PI4KA: variants seen among roughly 807,000 people sequenced by gnomAD.
PI4KA encodes phosphatidylinositol 4-kinase alpha, also known as PI4-kinase alpha.
A neutral mutation model predicts 271.4 loss-of-function variants in PI4KA; 122 were observed. The observed-to-expected ratio is 0.45, with a 90% CI of 0.39 to 0.52. The LOEUF is 0.52. PI4KA is among the 20% of genes least tolerant of loss of function. PI4KA has a pLI of 0.00. For synonymous variants in PI4KA, 1,041 were observed against 1,078.8 expected, an observed-to-expected ratio of 0.96 and a Z score of 0.69; for missense variants, 1,969 against 2,769.1, an observed-to-expected ratio of 0.71 and a Z score of 6.48.
chr22:20,827,249 C>G (rs529221122), intron 3 of PI4KA, among the ~76,000 whole-genome samples: 5 of 152,272 alleles, frequency 3.3e-5, no homozygotes, highest in African/African-American at 1.2e-4. Flanking sequence ...AGTAAGGGGT[C>G]TAGTTCCAAT....
At chr22:20,780,348 G>A (rs981759299) in intron 19 of PI4KA, 3 of 1,259,172 alleles carry the variant, frequency 2.4e-6, no homozygotes, top group Non-Finnish European at 2.3e-6. Context: ...GGACAGGGAA[G>A]GCCAAGCTGA....
chr22:20,854,770 G>A (rs1029647175), intron 1 of PI4KA, among the ~76,000 whole-genome samples: 4 of 151,668 alleles, frequency 2.6e-5, no homozygotes, highest in Non-Finnish European at 5.9e-5. Context: ...GAGAAGGGGA[G>A]GGATTGGGTT....
chr22:20,765,791 C>A, intron 19 of PI4KA, 98 bp from the exon 20 acceptor site: 1 of 765,242 alleles, frequency 1.3e-6, no homozygotes. Context: ...TCTCTAAGAG[C>A]ATTCTCAGAA....
At chr22:20,782,582 CAG>C (rs1933881218) in intron 19 of PI4KA, among the ~76,000 whole-genome samples, 1 of 152,118 alleles carries the variant, frequency 6.6e-6, no homozygotes, top group South Asian at 2.1e-4. Context: ...ATGAGGAAGT[CAG>C]AAGGAAAGAA....
At position 20,733,682 on chromosome 22, in the gene PI4KA, C is replaced by T. The variant is rs1170701678; in HGVS notation, c.4160+54G>A. The stretch of plus-strand genomic sequence containing the variant: ...CCTGGGGGTTTGGGGCGATGGAGCA[C>T]TTGGAGGGGCTGCGCCGTCCCTGGA... On this transcript the variant is annotated intron_variant, in intron 35 of 54. Transcript: ENST00000255882. 6 of 1,613,534 alleles carry T rather than the reference C, an allele frequency of 3.7e-6. No individual in the cohort carries two copies. In the Admixed American group the frequency reaches 1.0e-4, roughly 27 times the overall value.
chr22:20,793,103 T>G, intron 19 of PI4KA, 90 bp downstream of exon 19: 2 of 836,080 alleles, frequency 2.4e-6, no homozygotes, highest in Non-Finnish European at 4.2e-6. Flanking sequence ...CACTGCACCT[T>G]TCTAAGGAAT....
intron 42 of PI4KA, chr22:20,725,612 G>C: frequency 6.8e-6 from 3 of 439,952 alleles, no homozygotes; most frequent in Non-Finnish European, 1.4e-5. Flanking sequence ...ATAAGCCAGG[G>C]AGATGGGCAC....
At chr22:20,779,567 A>G (rs1933589264) in intron 19 of PI4KA, 2 of 1,614,106 alleles carry the variant, frequency 1.2e-6, no homozygotes, top group Non-Finnish European at 1.7e-6. Context: ...TGGAGAAGAT[A>G]TTCAGTGAAG....
At chr22:20,732,278 G>A (rs1255031375) in intron 36 of PI4KA, among the ~76,000 whole-genome samples, 1 of 152,218 alleles carries the variant, frequency 6.6e-6, no homozygotes, top group Non-Finnish European at 1.5e-5. Context: ...TACTCAGGAG[G>A]CTGAGGCAGG....
intron 19 of PI4KA, among the ~76,000 whole-genome samples, chr22:20,769,668 C>CA (rs361824): frequency 0.41 from 51,205 of 123,934 alleles, 9,340 homozygotes; most frequent in East Asian, 0.53. Flanking sequence ...GACGCCATTT[C>CA]AAAAAAAAAA....
chr22:20,764,945 C>T lies in PI4KA; in HGVS notation c.2580G>A (p.Glu860=). The part of the protein sequence containing the change: ...AMKNDTVTPA[E]LSELRSTIIN... ...TGATAGTGCTGCGGAGCTCACTCAG[C>T]TCAGCCTGGAGGGAGAGAAACATCC... The change falls in exon 22 of 55, where the codon GAG becomes GAA. Residue 860 remains glutamate, a synonymous_variant. Transcript: ENST00000255882. 1 of 1,605,514 alleles carries T rather than the reference C, an allele frequency of 6.2e-7. No individual in the cohort carries two copies. The highest frequency in any genetic ancestry group is 8.5e-7 in the Non-Finnish European group (1 of 1,173,602).
At chr22:20,761,147 G>C (rs1034796791) in intron 23 of PI4KA, among the ~76,000 whole-genome samples, 157 bp downstream of exon 23, 1 of 152,136 alleles carries the variant, frequency 6.6e-6, no homozygotes, top group Non-Finnish European at 1.5e-5. Flanking sequence ...CCATTAAGGC[G>C]TATATTTGAA....
At chr22:20,824,741 C>CACACACACACACACACACAG (rs1418341127) in intron 3 of PI4KA, among the ~76,000 whole-genome samples, 6 of 123,382 alleles carry the variant, frequency 4.9e-5, no homozygotes, top group African/African-American at 1.9e-4. Context: ...ATCACACACA[C>CACACACACACACACACACAG]ACACACACAC....
At position 20,858,614 on chromosome 22, in the gene PI4KA, G is replaced by C; in HGVS notation, c.112C>G (p.Leu38Val). 6.7e-7 allele frequency: 1 copy of C among 1,484,068 alleles called. No homozygotes were observed. Among genetic ancestry groups the C allele is most frequent in the Non-Finnish European group, 8.9e-7 (1 of 1,122,830 alleles). The allele number at this position is 1,484,068 out of a possible 1,614,324, so 91.9% of individuals were successfully genotyped here. A position where few individuals can be genotyped will look rare whatever the true frequency, so the allele number is the denominator to read the frequency against. Residue 38 changes from leucine (L) to valine (V), a missense_variant, in exon 1 of 55, where the codon CTG (leucine) becomes GTG (valine). This residue lies in a region of PI4KA where 540 missense variants were observed against 555.5 expected (regional missense o/e 0.97). Transcript: ENST00000255882. ...CTCTGCACCGCCAGGGAGCGGGCCAGTGACAGGACCGTGTTGAAATAGAAG... is the reference window on the plus strand; with the variant it reads ...CTCTGCACCGCCAGGGAGCGGGCCACTGACAGGACCGTGTTGAAATAGAAG... ...RGFYFNTVLS[L>V]ARSLAVQRPA...
At chr22:20,717,008 G>A (rs1954934409) in intron 45 of PI4KA, among the ~76,000 whole-genome samples, 1 of 152,166 alleles carries the variant, frequency 6.6e-6, no homozygotes, top group African/African-American at 2.4e-5. Flanking sequence ...CACTTTGGGA[G>A]GCCGAGGCGG....
At chr22:20,739,089 A>T (rs1929083390) in intron 32 of PI4KA, among the ~76,000 whole-genome samples, 1 of 150,474 alleles carries the variant, frequency 6.6e-6, no homozygotes, top group Admixed American at 6.6e-5. Context: ...CTCACGCCTA[A>T]AATCCCAACA....
Position 20,753,009 on chromosome 22 carries a change from C to T in PI4KA, c.2881G>A (p.Glu961Lys), listed in dbSNP as rs1423173063. The part of the protein sequence containing the change: ...MADKAKTKEN[E>K]EELERHAQFL... ...TGAGCGTGCCGCTCCAGCTCCTCCT[C>T]GTTCTCCTTGGTCTTGGCCTAGAGA... Residue 961 changes from glutamate to lysine, a missense_variant, in exon 25 of 55, where the codon GAG becomes AAG. Glu to Lys is a moderately conservative substitution (Grantham distance 56, BLOSUM62 1). Around this residue, in one of 13 missense-constraint regions of PI4KA, gnomAD observed 368 missense variants for 544.3 expected, o/e 0.68. Coordinates refer to ENST00000255882, the MANE Select transcript of PI4KA (RefSeq NM_058004.4). The T allele has an allele frequency of 1.9e-6, 3 of 1,614,224 alleles. No homozygotes were observed. Among genetic ancestry groups the T allele is most frequent in the Admixed American group, 3.3e-5 (2 of 60,018 alleles).
chr22:20,759,423 T>TTTTTTTTTTTTTTTTTAAA, intron 23 of PI4KA, among the ~76,000 whole-genome samples: 1 of 146,694 alleles, frequency 6.8e-6, no homozygotes, highest in East Asian at 2.0e-4. Context: ...TTTTTTTTTT[T>TTTTTTTTTTTTTTTTTAAA]GAGACAGAGT....
chr22:20,714,187 C>G (rs904408959), intron 47 of PI4KA, among the ~76,000 whole-genome samples: 1 of 151,862 alleles, frequency 6.6e-6, no homozygotes, highest in Admixed American at 6.6e-5. Context: ...CTAACACCCC[C>G]CAACAGCCCC....
Sources: gnomAD v4.1 joint callset for allele counts (sites outside exome capture counted in the v4.1 genomes callset) on GRCh38, gnomAD v4.1.1 for gene constraint, gnomAD v4.1.1 regional missense constraint, MANE v1.5 for transcripts, NCBI Gene and HGNC (gene_info 2026-07-23, HGNC 2026-07-21) for gene names.